PRICKLE1: variants seen among roughly 807,000 people sequenced by gnomAD.
PRICKLE1 encodes the protein prickle-like protein 1.
A neutral mutation model predicts 70.2 loss-of-function variants in PRICKLE1; 14 were observed. That is an observed-to-expected ratio of 0.20 (90% CI 0.13 to 0.31). The LOEUF is 0.31. Ranked by LOEUF, PRICKLE1 falls within the 10% of genes least tolerant of loss-of-function variation. The pLI is 1.00. For synonymous variants in PRICKLE1, 357 were observed against 379.9 expected (o/e 0.94, Z 0.70); for missense variants, 821 against 1,026.2 (o/e 0.80, Z 2.73).
At chr12:42,575,367 A>G (rs1940786742) in intron 1 of PRICKLE1, among the ~76,000 whole-genome samples, 1 of 152,170 alleles carries the variant, frequency 6.6e-6, no homozygotes, top group Non-Finnish European at 1.5e-5. Context: ...ATCAGTCCCT[A>G]AGAGTACAGT....
At chr12:42,501,050 G>A (rs946065141) in intron 1 of PRICKLE1, among the ~76,000 whole-genome samples, 3 of 152,196 alleles carry the variant, frequency 2.0e-5, no homozygotes, top group Non-Finnish European at 2.9e-5. Flanking sequence ...TTGGAAAAGT[G>A]GGTTTGGTGG....
At chr12:42,581,993 A>G (rs1940909442) in intron 1 of PRICKLE1, among the ~76,000 whole-genome samples, 1 of 152,076 alleles carries the variant, frequency 6.6e-6, no homozygotes, top group South Asian at 2.1e-4. Context: ...AAAAAAAAAG[A>G]GTGATTTTTC....
Position 42,457,486 on chromosome 12 carries a change from G to GAACA in PRICKLE1, c.*2319_*2322dup, listed in dbSNP as rs1409495627. 1 of 152,172 alleles carries GAACA rather than the reference G, an allele frequency of 6.6e-6. No individual in the cohort carries two copies. Among genetic ancestry groups the GAACA allele is most frequent in the African/African-American group, 2.4e-5 (1 of 41,420 alleles). The allele number at this position is 152,172 out of a possible 1,614,324, so 9.4% of individuals were successfully genotyped here. ...GCTAATACATTGAGAGGTTGTGATG[G>GAACA]AACAAACACTCTCATTTACATTACA... On this transcript the variant is annotated 3_prime_UTR_variant, in exon 8 of 8. Coordinates refer to ENST00000345127, the MANE Select transcript of PRICKLE1 (RefSeq NM_153026.3).
At chr12:42,549,448 G>T (rs562362359) in intron 1 of PRICKLE1, among the ~76,000 whole-genome samples, 1 of 152,294 alleles carries the variant, frequency 6.6e-6, no homozygotes, top group East Asian at 1.9e-4. Context: ...TCTCAGGTTA[G>T]GGTTTACTAT....
intron 7 of PRICKLE1, among the ~76,000 whole-genome samples, chr12:42,461,793 A>G (rs1004803215): frequency 4.6e-5 from 7 of 152,218 alleles, no homozygotes; most frequent in Admixed American, 6.5e-5. Context: ...TGGAGACTAC[A>G]TAACTTCGTA....
Position 42,464,590 on chromosome 12 carries a change from C to A in PRICKLE1, c.1444G>T (p.Asp482Tyr). 1 of 1,613,906 alleles carries A rather than the reference C, an allele frequency of 6.2e-7. No individual in the cohort carries two copies. The highest frequency in any genetic ancestry group is 1.1e-5 in the South Asian group (1 of 91,072). The change falls in exon 7 of 8, where the codon GAT becomes TAT. Residue 482 changes from aspartate (D) to tyrosine (Y), a missense_variant. By Grantham distance (160) the Asp-to-Tyr change is radical (BLOSUM62 -3). Transcript: ENST00000345127. The surrounding 1 kb of genome is among the most constrained non-coding windows in gnomAD (Gnocchi z 4.2). ...YWAQSQDGLG[D>Y]SAYGSHPGPA... ...CCTGGGTGGCTGCCATAAGCAGAAT[C>A]GCCCAGTCCATCTTGTGACTGTGCC...
Position 42,470,296 on chromosome 12 carries a change from T to G in PRICKLE1, c.196A>C (p.Lys66Gln). 6.2e-7 allele frequency: 1 copy of G among 1,614,076 alleles called. No individual in the cohort carries two copies. Among genetic ancestry groups the G allele is most frequent in the South Asian group, 1.1e-5 (1 of 91,082 alleles). Residue 66 changes from lysine (K) to glutamine (Q), a missense_variant, in exon 3 of 8, where the codon AAG becomes CAG. Transcript: ENST00000345127. ...KVPYVNSPGE[K>Q]HRIKQLLYQL... is the part of the protein sequence containing the mutation. ...TACAAAAGCTGTTTAATCCGATGCT[T>G]CTCTCCGGGGCTGTTAACGTAAGGA...
chr12:42,529,581 A>T (rs569019425), intron 1 of PRICKLE1, among the ~76,000 whole-genome samples: 7 of 152,264 alleles, frequency 4.6e-5, no homozygotes, highest in African/African-American at 1.4e-4. Context: ...GGCAGGGTTG[A>T]TTTTTCAAAT....
intron 1 of PRICKLE1, among the ~76,000 whole-genome samples, chr12:42,573,796 A>G (rs151098988): frequency 1.6e-3 from 237 of 152,254 alleles, no homozygotes; most frequent in African/African-American, 5.2e-3. Flanking sequence ...TGGCCTCCCA[A>G]AATGGTAGGA....
intron 1 of PRICKLE1, among the ~76,000 whole-genome samples, chr12:42,574,409 A>G (rs921724178): frequency 2.0e-5 from 3 of 152,130 alleles, no homozygotes; most frequent in African/African-American, 7.2e-5. Context: ...AACACTCTGA[A>G]CCCCACTGTC....
chr12:42,486,419 T>C (rs981091095), intron 1 of PRICKLE1, among the ~76,000 whole-genome samples: 2 of 151,624 alleles, frequency 1.3e-5, no homozygotes, highest in Non-Finnish European at 2.9e-5. Flanking sequence ...TTCTCAGACA[T>C]TATTCTTCTC....
At chr12:42,502,127 G>A (rs575220507) in intron 1 of PRICKLE1, among the ~76,000 whole-genome samples, 4 of 151,108 alleles carry the variant, frequency 2.6e-5, no homozygotes, top group East Asian at 1.9e-4. Flanking sequence ...CTACTTAACC[G>A]GAGTACTTTA....
Position 42,559,078 on chromosome 12 carries a change from G to A in PRICKLE1, c.-49+30387C>T, listed in dbSNP as rs1940457871. On this transcript the variant is annotated intron_variant, in intron 1 of 7. Coordinates refer to ENST00000345127, the MANE Select transcript of PRICKLE1 (RefSeq NM_153026.3). ...AAAGGAGCCCTTCTACTTCTAAAAA[G>A]AAAATCAAAGGACAATGAGCTCAGG... 2.0e-5 allele frequency among the ~76,000 whole-genome samples: 3 copies of A among 152,128 alleles called. No homozygotes were observed. In the South Asian group the frequency reaches 6.2e-4, roughly 32 times the overall value.
At chr12:42,530,779 C>T (rs1316454203) in intron 1 of PRICKLE1, among the ~76,000 whole-genome samples, 3 of 148,540 alleles carry the variant, frequency 2.0e-5, no homozygotes, top group African/African-American at 7.4e-5. Flanking sequence ...CTCTGCCTCC[C>T]GGGTTCCAGC....
intron 1 of PRICKLE1, among the ~76,000 whole-genome samples, chr12:42,500,464 C>T (rs966576882): frequency 6.6e-6 from 1 of 152,154 alleles, no homozygotes; most frequent in Non-Finnish European, 1.5e-5. Flanking sequence ...ATCACCTCTT[C>T]CACTTAAATG....
chr12:42,472,404 G>T lies in PRICKLE1; in HGVS notation c.113C>A (p.Pro38Gln). ...TCCTACCTGCTCTGGTCTCAGGCCC[G>T]GGGGGACCCAGGCGTACTCCTCCAA... ...CALEEYAWVP[P>Q]GLRPEQIQLY... Residue 38 changes from proline to glutamine, a missense_variant, in exon 2 of 8, where the codon CCG (proline) becomes CAG (glutamine). By Grantham distance (76) the Pro-to-Gln change is moderately conservative. Coordinates refer to ENST00000345127, the MANE Select transcript of PRICKLE1 (RefSeq NM_153026.3). 6.2e-7 allele frequency: 1 copy of T among 1,613,742 alleles called. No individual in the cohort carries two copies. The highest frequency in any genetic ancestry group is 8.5e-7 in the Non-Finnish European group (1 of 1,179,780).
intron 1 of PRICKLE1, among the ~76,000 whole-genome samples, chr12:42,520,704 A>C (rs1235714261): frequency 1.3e-5 from 2 of 152,226 alleles, no homozygotes; most frequent in African/African-American, 4.8e-5. Context: ...TAATTTAGGC[A>C]GGGCGTCAAA....
chr12:42,563,702 C>CAAAAAAA (rs11367725), intron 1 of PRICKLE1, among the ~76,000 whole-genome samples: 3 of 46,506 alleles, frequency 6.5e-5, no homozygotes, highest in African/African-American at 7.3e-5. Context: ...GACTCTGTCT[C>CAAAAAAA]AAAAAAAAAA....
chr12:42,578,655 G>T (rs1366181905), intron 1 of PRICKLE1, among the ~76,000 whole-genome samples: 4 of 151,936 alleles, frequency 2.6e-5, no homozygotes. Flanking sequence ...CCACAAAAAT[G>T]CTCCAAATAA....
Sources: gnomAD v4.1 joint callset for allele counts (sites outside exome capture counted in the v4.1 genomes callset) on GRCh38, gnomAD v4.1.1 for gene constraint, Gnocchi (gnomAD v3.1) non-coding constraint, MANE v1.5 for transcripts, NCBI Gene and HGNC (gene_info 2026-07-23, HGNC 2026-07-21) for gene names.